Variants in PRKCE observed in about 807,000 individuals in gnomAD.
PRKCE encodes the protein protein kinase C epsilon type.
A neutral mutation model predicts 85.4 loss-of-function variants in PRKCE; 16 were observed. That is an observed-to-expected ratio of 0.19 (90% CI 0.13 to 0.28). The LOEUF is 0.28. PRKCE is among the 10% of genes least tolerant of loss of function. The pLI, the probability that PRKCE is intolerant of heterozygous loss-of-function variation, is 1.00. For missense variants in PRKCE, 573 were observed against 975.2 expected (o/e 0.59, Z 5.49); for synonymous variants, 388 against 371.5 (o/e 1.04, Z -0.51).
At chr2:45,997,709 G>A (rs1042646272) in intron 6 of PRKCE, among the ~76,000 whole-genome samples, 1 of 151,966 alleles carries the variant, frequency 6.6e-6, no homozygotes, top group Non-Finnish European at 1.5e-5. Context: ...ACCACACCTG[G>A]CTAATTTTTG....
At chr2:45,847,032 A>G (rs1484864236) in intron 2 of PRKCE, among the ~76,000 whole-genome samples, 4 of 152,224 alleles carry the variant, frequency 2.6e-5, no homozygotes, top group African/African-American at 9.6e-5. Context: ...AGGGCCAAGA[A>G]CAGAGCCAGG....
chr2:46,101,412 C>T (rs75475391), intron 11 of PRKCE, among the ~76,000 whole-genome samples: 5 of 152,040 alleles, frequency 3.3e-5, no homozygotes, highest in Admixed American at 2.0e-4. Flanking sequence ...AAGAGTTGGC[C>T]AGAGAAAGAG....
At chr2:45,889,608 A>T (rs992314829) in intron 2 of PRKCE, among the ~76,000 whole-genome samples, 6 of 152,186 alleles carry the variant, frequency 3.9e-5, no homozygotes, top group Non-Finnish European at 8.8e-5. Flanking sequence ...ATCTGAGTGT[A>T]CACCTCTGCT....
chr2:46,184,893 A>G lies in PRKCE; in HGVS notation c.*12A>G. The G allele has an allele frequency of 6.3e-7, 1 of 1,599,640 alleles. No individual in the cohort carries two copies. The highest frequency in any genetic ancestry group is 8.5e-7 in the Non-Finnish European group (1 of 1,179,880). On this transcript the variant is annotated 3_prime_UTR_variant, in exon 15 of 15. Transcript: ENST00000306156. This position sits in a 1 kb window ranked among gnomAD's most constrained non-coding sequence, Gnocchi z 5.0. ...ACCTGATGCCCTGAGAGCCCACTGCAGTTGGACTTTGCCGATGCTGCAAGA... is the reference window on the plus strand; with the variant it reads ...ACCTGATGCCCTGAGAGCCCACTGCGGTTGGACTTTGCCGATGCTGCAAGA...
At chr2:46,039,024 G>A (rs1046967472) in intron 10 of PRKCE, among the ~76,000 whole-genome samples, 7 of 152,290 alleles carry the variant, frequency 4.6e-5, no homozygotes, top group South Asian at 2.1e-4. Flanking sequence ...GCAATTTAGC[G>A]TGGTAGTAAG....
In PRKCE at chr2:45,651,839, G is replaced by A. The variant is rs530098502; in HGVS notation, c.-262G>A. 8.5e-6 allele frequency: 3 copies of A among 351,374 alleles called. No individual in the cohort carries two copies. Among genetic ancestry groups the A allele is most frequent in the African/African-American group, 2.1e-5 (1 of 47,914 alleles). 21.8% of individuals were successfully genotyped at this position (351,374 alleles called of 1,614,324 possible). A position where few individuals can be genotyped will look rare whatever the true frequency, so the allele number is the denominator to read the frequency against. On this transcript the variant is annotated 5_prime_UTR_variant, in exon 1 of 15. Coordinates refer to ENST00000306156, the MANE Select transcript of PRKCE (RefSeq NM_005400.3). ...TCTTCTGGAGGTGCAGCTGGTGGTC[G>A]GGGGGAGAGACTTGCTCCAAACACG...
rs1704717442 is a variant in PRKCE at position 46,001,953 on chromosome 2, G to A, written c.966+407G>A. Among the ~76,000 whole-genome samples the A allele has an allele frequency of 6.6e-6, 1 of 152,176 alleles. No individual in the cohort carries two copies. The highest frequency in any genetic ancestry group is 1.5e-5 in the Non-Finnish European group (1 of 68,046). On this transcript the variant is annotated intron_variant, in intron 7 of 14. Coordinates refer to ENST00000306156, the MANE Select transcript of PRKCE (RefSeq NM_005400.3). This position sits in a 1 kb window ranked among gnomAD's most constrained non-coding sequence, Gnocchi z 4.4. The stretch of plus-strand genomic sequence containing the variant: ...ATGGAGATAAATGGGTGAAGAACTG[G>A]AACCACATTCTTTTCTAGGGAGGAA...
intron 2 of PRKCE, among the ~76,000 whole-genome samples, chr2:45,890,903 C>A (rs940004495): frequency 7.0e-4 from 107 of 152,276 alleles, no homozygotes; most frequent in African/African-American, 2.2e-3. Context: ...GGCCCCTGTC[C>A]TGACAGCACG....
intron 2 of PRKCE, among the ~76,000 whole-genome samples, chr2:45,966,420 G>A (rs934370346): frequency 6.6e-6 from 1 of 152,186 alleles, no homozygotes; most frequent in Admixed American, 6.5e-5. Context: ...CACTTAAGGT[G>A]CTTGGAATCA....
At chr2:45,764,262 T>G (rs1435487156) in intron 1 of PRKCE, among the ~76,000 whole-genome samples, 1 of 152,196 alleles carries the variant, frequency 6.6e-6, no homozygotes, top group East Asian at 1.9e-4. Context: ...ATTGGCCCAT[T>G]TAAGTTACAC....
At chr2:45,683,495 G>A (rs992109851) in intron 1 of PRKCE, among the ~76,000 whole-genome samples, 1 of 152,224 alleles carries the variant, frequency 6.6e-6, no homozygotes, top group Non-Finnish European at 1.5e-5. Flanking sequence ...AAGGTGCCAA[G>A]TAGTTCTAGA....
intron 1 of PRKCE, among the ~76,000 whole-genome samples, chr2:45,722,266 G>A (rs1680686084): frequency 6.6e-6 from 1 of 151,790 alleles, no homozygotes; most frequent in South Asian, 2.1e-4. Flanking sequence ...AAGTTCTAGG[G>A]TCCATGTGCA....
Position 46,145,045 on chromosome 2 carries a change from ATTG to A in PRKCE, c.1593-47_1593-45del. 1 of 1,598,076 alleles carries A rather than the reference ATTG, an allele frequency of 6.3e-7. No homozygotes were observed. Among genetic ancestry groups the A allele is most frequent in the Middle Eastern group, 1.7e-4 (1 of 6,048 alleles). ...CATACCTCCAACTCAGGAAGACTAT[ATTG>A]GGGTGAGTGACGTATTGACATTATG... On this transcript the variant is annotated intron_variant, in intron 11 of 14. Transcript: ENST00000306156. This position sits in a 1 kb window ranked among gnomAD's most constrained non-coding sequence, Gnocchi z 4.6.
At chr2:46,022,897 C>G (rs992656497) in intron 10 of PRKCE, among the ~76,000 whole-genome samples, 2 of 151,764 alleles carry the variant, frequency 1.3e-5, no homozygotes, top group Admixed American at 1.3e-4. Context: ...TCCTGGCTAA[C>G]AAGGTGAAAT....
At chr2:46,128,954 G>C (rs1674137749) in intron 11 of PRKCE, among the ~76,000 whole-genome samples, 1 of 152,150 alleles carries the variant, frequency 6.6e-6, no homozygotes, top group African/African-American at 2.4e-5. Flanking sequence ...GTCCTTCTTG[G>C]AGGAGCTCAG....
At chr2:46,012,044 A>G (rs1705724771) in intron 10 of PRKCE, among the ~76,000 whole-genome samples, 1 of 152,236 alleles carries the variant, frequency 6.6e-6, no homozygotes, top group African/African-American at 2.4e-5. Context: ...TGTGTTGTGT[A>G]ATGCCTAATA....
chr2:45,686,127 G>A (rs979152164), intron 1 of PRKCE, among the ~76,000 whole-genome samples: 8 of 152,140 alleles, frequency 5.3e-5, no homozygotes, highest in Admixed American at 2.6e-4. Flanking sequence ...AAGGGAAGGA[G>A]TATGCAAGCA....
intron 1 of PRKCE, among the ~76,000 whole-genome samples, chr2:45,829,954 T>C (rs991787624): frequency 1.3e-5 from 2 of 150,920 alleles, no homozygotes; most frequent in Non-Finnish European, 2.9e-5. Context: ...GCGCCTGTAG[T>C]CCCAGCTACT....
intron 2 of PRKCE, among the ~76,000 whole-genome samples, chr2:45,954,396 C>T (rs1425082091): frequency 6.6e-6 from 1 of 152,198 alleles, no homozygotes; most frequent in African/African-American, 2.4e-5. Context: ...ATCCATTAAC[C>T]CTTTATTGTA....
Sources: allele counts gnomAD v4.1 joint callset (sites outside exome capture counted in the v4.1 genomes callset), GRCh38; gene constraint gnomAD v4.1.1; non-coding constraint Gnocchi (gnomAD v3.1); transcripts MANE v1.5; gene names NCBI Gene and HGNC (gene_info 2026-07-23, HGNC 2026-07-21).